Variants in CNTNAP2 observed in about 807,000 individuals in gnomAD.
CNTNAP2 encodes the protein contactin associated protein 2, also known as contactin-associated protein-like 2.
In CNTNAP2, 98 loss-of-function variants were observed where a neutral mutation model predicts 155.2. The observed-to-expected ratio is 0.63, with a 90% confidence interval of 0.54 to 0.75. CNTNAP2 has a LOEUF of 0.75. CNTNAP2 is among the 30% of genes least tolerant of loss of function. The pLI, the probability that CNTNAP2 is intolerant of heterozygous loss-of-function variation, is 0.00. For missense variants in CNTNAP2, 1,727 were observed against 1,688.1 expected (o/e 1.02, Z -0.40); for synonymous variants, 651 against 631.2 (o/e 1.03, Z -0.47).
chr7:146,914,417 G>A (rs1350442815), intron 3 of CNTNAP2, among the ~76,000 whole-genome samples: 2 of 151,848 alleles, frequency 1.3e-5, no homozygotes, highest in East Asian at 1.9e-4. Flanking sequence ...CACCAGCTGT[G>A]TAAAAGTGTT....
intron 14 of CNTNAP2, among the ~76,000 whole-genome samples, chr7:147,974,160 G>A (rs112422897): frequency 6.6e-6 from 1 of 152,168 alleles, no homozygotes. Flanking sequence ...TTATGAGAGT[G>A]TGTAGATATG....
At chr7:146,448,093 T>G (rs1563087543) in intron 1 of CNTNAP2, among the ~76,000 whole-genome samples, 1 of 152,028 alleles carries the variant, frequency 6.6e-6, no homozygotes, top group Non-Finnish European at 1.5e-5. Context: ...TGAAATAGCA[T>G]TTACTGAGTA....
At chr7:147,346,548 A>C (rs1394444717) in intron 9 of CNTNAP2, among the ~76,000 whole-genome samples, 1 of 152,212 alleles carries the variant, frequency 6.6e-6, no homozygotes, top group Non-Finnish European at 1.5e-5. Context: ...CTTTTCAGTA[A>C]AACATATTAA....
intron 21 of CNTNAP2, among the ~76,000 whole-genome samples, chr7:148,299,473 G>A (rs1585253474): frequency 6.6e-6 from 1 of 152,184 alleles, no homozygotes; most frequent in African/African-American, 2.4e-5. Flanking sequence ...AGGCAGGCGC[G>A]ATTCTGCACA....
chr7:148,267,920 AC>A (rs1215622751), intron 21 of CNTNAP2, among the ~76,000 whole-genome samples: 1 of 152,140 alleles, frequency 6.6e-6, no homozygotes, highest in Non-Finnish European at 1.5e-5. Flanking sequence ...GTAAGAAAGC[AC>A]CTTGATATTA....
At chr7:147,325,795 C>G (rs1584874567) in intron 9 of CNTNAP2, among the ~76,000 whole-genome samples, 1 of 152,114 alleles carries the variant, frequency 6.6e-6, no homozygotes, top group South Asian at 2.1e-4. Context: ...GTACATTTAC[C>G]TTGTTATATG....
intron 1 of CNTNAP2, among the ~76,000 whole-genome samples, chr7:146,603,395 G>C (rs1173247433): frequency 2.7e-5 from 4 of 150,112 alleles, no homozygotes; most frequent in Non-Finnish European, 5.9e-5. Flanking sequence ...CTGGGGGACA[G>C]AGTGAGACTC....
At chr7:147,761,547 A>C (rs1797298461) in intron 13 of CNTNAP2, among the ~76,000 whole-genome samples, 2 of 152,130 alleles carry the variant, frequency 1.3e-5, no homozygotes. Context: ...TAATTCATCC[A>C]ACCCTTAGGT....
chr7:148,066,584 A>G (rs1448051997), intron 15 of CNTNAP2, among the ~76,000 whole-genome samples: 3 of 151,562 alleles, frequency 2.0e-5, no homozygotes, highest in South Asian at 4.2e-4. Flanking sequence ...TGCAAGCTCC[A>G]CCTCCTGGAT....
chr7:147,103,551 A>G (rs763189769), intron 4 of CNTNAP2, among the ~76,000 whole-genome samples: 2 of 152,080 alleles, frequency 1.3e-5, no homozygotes, highest in African/African-American at 2.4e-5. Flanking sequence ...ACTGGTTAAT[A>G]TACATTTTTA....
intron 15 of CNTNAP2, among the ~76,000 whole-genome samples, chr7:148,059,570 G>A (rs1279762165): frequency 1.4e-5 from 2 of 141,090 alleles, no homozygotes; most frequent in African/African-American, 5.2e-5. Flanking sequence ...AGCCTGGGCA[G>A]CAAGAGCAAA....
chr7:146,292,227 T>G (rs1800440589), intron 1 of CNTNAP2, among the ~76,000 whole-genome samples: 1 of 152,138 alleles, frequency 6.6e-6, no homozygotes. Context: ...CCTTTGTGCA[T>G]GTGTTCTCAC....
intron 12 of CNTNAP2, among the ~76,000 whole-genome samples, chr7:147,627,768 G>A (rs1795013691): frequency 6.8e-6 from 1 of 147,598 alleles, no homozygotes; most frequent in Non-Finnish European, 1.5e-5. Flanking sequence ...ATAAATAGAT[G>A]TCATAAAGAA....
At chr7:146,502,756 C>A (rs1280132783) in intron 1 of CNTNAP2, among the ~76,000 whole-genome samples, 1 of 152,056 alleles carries the variant, frequency 6.6e-6, no homozygotes. Flanking sequence ...AGGCATGCTG[C>A]AAGCGTGCAC....
chr7:147,956,985 C>A (rs1269840185), intron 14 of CNTNAP2, among the ~76,000 whole-genome samples: 1 of 152,132 alleles, frequency 6.6e-6, no homozygotes, highest in African/African-American at 2.4e-5. Flanking sequence ...CTTTTGTTTG[C>A]TTGTTTTTCT....
chr7:146,660,870 C>A (rs1800075529), intron 1 of CNTNAP2, among the ~76,000 whole-genome samples: 1 of 152,208 alleles, frequency 6.6e-6, no homozygotes, highest in South Asian at 2.1e-4. Flanking sequence ...GTCCCTCAAC[C>A]TTTCCTTGTA....
rs59420934 is a variant in CNTNAP2, at chr7:146,651,686, A to G, written c.98-122585A>G. Among the ~76,000 whole-genome samples the G allele has an allele frequency of 2.8e-4, 43 of 152,318 alleles. 1 individual carries two copies. The highest frequency in any genetic ancestry group is 1.0e-3 in the African/African-American group (42 of 41,592). ...GCAGTTCCTGAGTGGAAACAACATT[A>G]TGATATTCTCTTATTGCTGTCACTC... On this transcript the variant is annotated intron_variant, in intron 1 of 23. Transcript: ENST00000361727.
chr7:146,667,085 T>C (rs2533084), intron 1 of CNTNAP2, among the ~76,000 whole-genome samples: 122,903 of 152,076 alleles, frequency 0.81, 50,272 homozygotes, highest in South Asian at 0.91. Flanking sequence ...GAAGAATTTA[T>C]GCTCTTTGCC....
Position 146,669,501 on chromosome 7 carries a change from A to G in CNTNAP2, c.98-104770A>G, listed in dbSNP as rs139229200. Among the ~76,000 whole-genome samples, 594 of 152,326 alleles carry G rather than the reference A, an allele frequency of 3.9e-3. 4 individuals carry two copies. Among genetic ancestry groups the G allele is most frequent in the African/African-American group, 0.013 (552 of 41,578 alleles). On this transcript the variant is annotated intron_variant, in intron 1 of 23. Transcript: ENST00000361727. ...GCGTGTAACCAATCTCATGCCAAAA[A>G]CAAATGCAAAAATTCTGTTGCTTAG...
Sources: gnomAD v4.1 joint callset for allele counts (sites outside exome capture counted in the v4.1 genomes callset) on GRCh38, gnomAD v4.1.1 for gene constraint, MANE v1.5 for transcripts, NCBI Gene and HGNC (gene_info 2026-07-23, HGNC 2026-07-21) for gene names.